The following TECTA variants were observed in gnomAD, a reference collection of about 807,000 sequenced individuals.
TECTA encodes alpha-tectorin.
In TECTA, 128 loss-of-function variants were observed where a neutral mutation model predicts 216.8. That is an observed-to-expected ratio of 0.59 (90% CI 0.51 to 0.68). The LOEUF (loss-of-function observed/expected upper bound fraction) is 0.68. Among genes scored for constraint, TECTA ranks in the 30% least tolerant of loss-of-function variants. TECTA has a pLI of 0.00. For synonymous variants in TECTA, 1,089 were observed against 1,117.1 expected (o/e 0.97, Z 0.50); for missense variants, 2,551 against 2,786.2 (o/e 0.92, Z 1.90).
At position 121,153,064 on chromosome 11, in the gene TECTA, A is replaced by G. The variant is rs770316975; in HGVS notation, c.4289A>G (p.Asp1430Gly). ...ILPHSCGCYS[D>G]GKYYEPKQLF... ...CCCCACAGCTGCGGCTGCTACTCCGATGGCAAATATTACGAGGTATGGGAG... is the reference window on the plus strand; with the variant it reads ...CCCCACAGCTGCGGCTGCTACTCCGGTGGCAAATATTACGAGGTATGGGAG... Residue 1430 changes from aspartate (D) to glycine (G), a missense_variant, in exon 13 of 24, where the codon GAT becomes GGT. Asp to Gly is a moderately conservative substitution (Grantham distance 94). This residue lies in a region of TECTA where 2,375 missense variants were observed against 2,563.9 expected (regional missense o/e 0.93). Transcript: ENST00000392793. 12 of 1,613,798 alleles carry G rather than the reference A, an allele frequency of 7.4e-6. No homozygotes were observed. In the East Asian group the frequency reaches 2.7e-4, roughly 36 times the overall value.
chr11:121,182,321 A>G (rs1477959804), intron 20 of TECTA, among the ~76,000 whole-genome samples: 1 of 151,638 alleles, frequency 6.6e-6, no homozygotes, highest in Non-Finnish European at 1.5e-5. Flanking sequence ...TTCACATGGG[A>G]GTGCCAGTGG....
Position 121,138,016 on chromosome 11 carries a change from T to G in TECTA, c.3537T>G (p.Thr1179=), listed in dbSNP as rs759966632. ...TGATCCACCGAGCTTACAAGCACAC[T>G]GTGCTGGTGAGTAGTCATGAGGTCC... ...SIVIHRAYKH[T]VLVNSERLYL... The change falls in exon 11 of 24, where the codon ACT becomes ACG. Residue 1179 remains threonine, a synonymous_variant. Transcript: ENST00000392793. The G allele has an allele frequency of 6.2e-6, 10 of 1,613,652 alleles. No homozygotes were observed. Among genetic ancestry groups the G allele is most frequent in the Non-Finnish European group, 8.5e-6 (10 of 1,179,736 alleles).
Position 121,113,691 on chromosome 11 carries a change from G to A in TECTA, c.763G>A (p.Asp255Asn). 6.2e-7 allele frequency: 1 copy of A among 1,613,830 alleles called. No individual in the cohort carries two copies. The highest frequency in any genetic ancestry group is 8.5e-7 in the Non-Finnish European group (1 of 1,180,020). ...ATTTAAAGTTGATGGAAAGGAAATT[G>A]ACCCAGCCAATGGCTGCACCTCAAG... ...WAFKVDGKEI[D>N]PANGCTSRGQ... Residue 255 changes from aspartate (D) to asparagine (N), a missense_variant, in exon 6 of 24, where the codon GAC becomes AAC. Asp to Asn is a conservative substitution (Grantham distance 23). Transcript: ENST00000392793. This position sits in a 1 kb window ranked among gnomAD's most constrained non-coding sequence, Gnocchi z 4.2.
rs1555122854 is a variant in TECTA at position 121,119,002 on chromosome 11, C to CACACACAAACACACAT, written c.1203+291_1203+292insAACACACATACACACA. ...TCATAAACACTGATAGGCACACACA[C>CACACACAAACACACAT]ACACACACACACACACACACACACA... On this transcript the variant is annotated intron_variant, in intron 7 of 23. Transcript: ENST00000392793. Among the ~76,000 whole-genome samples, 494 of 84,934 alleles carry CACACACAAACACACAT rather than the reference C, an allele frequency of 5.8e-3. 3 individuals carry two copies. The highest frequency in any genetic ancestry group is 0.022 in the African/African-American group (449 of 19,970). 55.7% of individuals were successfully genotyped at this position (84,934 alleles called of 152,430 possible). A position where few individuals can be genotyped will look rare whatever the true frequency, so the allele number is the denominator to read the frequency against.
chr11:121,148,287 C>T (rs1013673920), intron 12 of TECTA, among the ~76,000 whole-genome samples: 11 of 152,180 alleles, frequency 7.2e-5, no homozygotes, highest in Non-Finnish European at 1.5e-4. Flanking sequence ...GTTCCCATCA[C>T]AAAGAGACTT....
At chr11:121,171,581 C>G (rs1453899205) in intron 20 of TECTA, among the ~76,000 whole-genome samples, 1 of 151,972 alleles carries the variant, frequency 6.6e-6, no homozygotes. Context: ...TCCATTTGTC[C>G]TCTTCAATTT....
At chr11:121,160,921 C>G (rs968520661) in intron 15 of TECTA, among the ~76,000 whole-genome samples, 1 of 152,198 alleles carries the variant, frequency 6.6e-6, no homozygotes, top group African/African-American at 2.4e-5. Context: ...AGGTTATTAT[C>G]AGGCCCACCC....
intron 20 of TECTA, among the ~76,000 whole-genome samples, chr11:121,170,589 T>C (rs1162247741): frequency 6.6e-6 from 1 of 152,136 alleles, no homozygotes; most frequent in Admixed American, 6.6e-5. Context: ...CTAGCATTTG[T>C]TACTTTTTGT....
chr11:121,125,607 C>T lies in TECTA; in HGVS notation c.1509C>T (p.Cys503=), dbSNP rs61733565. ...CAGACTGGAAGTGCGACTCCGGCTG[C>T]GTCGACAACTGCACCCAGTGCGACG... ...YHADWKCDSG[C]VDNCTQCDAA... is the part of the protein sequence containing the mutation. Residue 503 remains cysteine (C), a synonymous_variant, in exon 8 of 24, where the codon TGC becomes TGT. Transcript: ENST00000392793. 1,206 of 1,613,630 alleles carry T rather than the reference C, an allele frequency of 7.5e-4. No individual in the cohort carries two copies. The highest frequency in any genetic ancestry group is 1.6e-3 in the Middle Eastern group (10 of 6,084).
At chr11:121,135,796 G>A (rs963885894) in intron 10 of TECTA, among the ~76,000 whole-genome samples, 2 of 152,182 alleles carry the variant, frequency 1.3e-5, no homozygotes, top group African/African-American at 4.8e-5. Context: ...AGATGGTGGG[G>A]ACTTCGCTGA....
At chr11:121,170,881 G>A (rs944801367) in intron 20 of TECTA, among the ~76,000 whole-genome samples, 1 of 152,066 alleles carries the variant, frequency 6.6e-6, no homozygotes, top group Non-Finnish European at 1.5e-5. Context: ...TCAACAGGTT[G>A]TCTCTTCATT....
In TECTA at chr11:121,145,820, G is replaced by C; in HGVS notation, c.3809G>C (p.Trp1270Ser). 1.2e-6 allele frequency: 2 copies of C among 1,614,222 alleles called. No homozygotes were observed. Among genetic ancestry groups the C allele is most frequent in the Non-Finnish European group, 1.7e-6 (2 of 1,180,042 alleles). Residue 1270 changes from tryptophan to serine, a missense_variant, in exon 12 of 24, where the codon TGG becomes TCG. By Grantham distance (177) the Trp-to-Ser change is radical (BLOSUM62 -3). Coordinates refer to ENST00000392793, the MANE Select transcript of TECTA (RefSeq NM_005422.4). Reference protein sequence around the residue: ...ASSVNEFGQSWVKRDTFCQVG... With the variant: ...ASSVNEFGQSSVKRDTFCQVG... ...AGTGTCAATGAGTTTGGGCAGAGCT[G>C]GGTGAAGAGGGACACCTTCTGCCAG...
At chr11:121,164,911 A>G (rs573993754) in intron 16 of TECTA, among the ~76,000 whole-genome samples, 241 of 152,338 alleles carry the variant, frequency 1.6e-3, no homozygotes, top group Non-Finnish European at 2.4e-3. Context: ...TCATTGTGTT[A>G]TAGTGTAGTA....
chr11:121,130,866 C>T (rs1277762458), intron 10 of TECTA, among the ~76,000 whole-genome samples: 1 of 152,150 alleles, frequency 6.6e-6, no homozygotes, highest in African/African-American at 2.4e-5. Flanking sequence ...CTTCAGCACA[C>T]AACCCTCTCC....
At position 121,162,350 on chromosome 11, in the gene TECTA, G is replaced by C; in HGVS notation, c.5252G>C (p.Trp1751Ser). Residue 1751 changes from tryptophan to serine, a missense_variant, in exon 16 of 24, where the codon TGG becomes TCG. Transcript: ENST00000392793. ...TCCTTCGGGATCCTTAGCACCGAGTGGATTGAGAAGGAGAATTGCTGTAAG... is the reference window on the plus strand; with the variant it reads ...TCCTTCGGGATCCTTAGCACCGAGTCGATTGAGAAGGAGAATTGCTGTAAG... ...CRSFGILSTE[W>S]IEKENCSGVV... is the part of the protein sequence containing the mutation. 6.2e-7 allele frequency: 1 copy of C among 1,613,352 alleles called. No individual in the cohort carries two copies. The highest frequency in any genetic ancestry group is 8.5e-7 in the Non-Finnish European group (1 of 1,180,050).
intron 16 of TECTA, among the ~76,000 whole-genome samples, chr11:121,163,454 TG>T (rs1235183024): frequency 1.9e-5 from 1 of 53,722 alleles, no homozygotes; most frequent in Non-Finnish European, 3.5e-5. Flanking sequence ...TGTTGTGGGG[TG>T]GGGGGAGGGT....
At chr11:121,120,678 A>G (rs1265971884) in intron 7 of TECTA, among the ~76,000 whole-genome samples, 1 of 152,252 alleles carries the variant, frequency 6.6e-6, no homozygotes, top group Non-Finnish European at 1.5e-5. Context: ...AAATAACAAA[A>G]TAAACAGTTT....
rs773514625 is a variant in TECTA at position 121,125,820 on chromosome 11, G to A, written c.1722G>A (p.Val574=). ...LCQAIQAYAL[V]CQALGIPIGD... ...AAGCCATCCAGGCCTATGCTCTTGT[G>A]TGCCAAGCCCTTGGCATTCCAATTG... Residue 574 remains valine (V), a synonymous_variant, in exon 8 of 24, where the codon GTG becomes GTA. Transcript: ENST00000392793. 3.8e-5 allele frequency: 61 copies of A among 1,613,470 alleles called. 1 individual carries two copies. In the South Asian group the frequency reaches 6.3e-4, roughly 17 times the overall value.
At position 121,158,057 on chromosome 11, in the gene TECTA, A is replaced by G. The variant is rs547896931; in HGVS notation, c.4522A>G (p.Asn1508Asp). Residue 1508 changes from asparagine (N) to aspartate (D), a missense_variant, in exon 14 of 24, where the codon AAC (asparagine) becomes GAC (aspartate). By Grantham distance (23) the Asn-to-Asp change is conservative (BLOSUM62 1). Coordinates refer to ENST00000392793, the MANE Select transcript of TECTA (RefSeq NM_005422.4). ...CGGCGCCTTCCTGCGCTTCCCAGCC[A>G]ACTGCGCCTTCGTGCTGTCCACCAT... ...FDGAFLRFPA[N>D]CAFVLSTICQ... 6 of 1,613,516 alleles carry G rather than the reference A, an allele frequency of 3.7e-6. No individual in the cohort carries two copies. Among genetic ancestry groups the G allele is most frequent in the South Asian group, 1.1e-5 (1 of 91,080 alleles).
Sources: gnomAD v4.1 joint callset for allele counts (sites outside exome capture counted in the v4.1 genomes callset) on GRCh38, gnomAD v4.1.1 for gene constraint, gnomAD v4.1.1 regional missense constraint, Gnocchi (gnomAD v3.1) non-coding constraint, MANE v1.5 for transcripts, NCBI Gene and HGNC (gene_info 2026-07-23, HGNC 2026-07-21) for gene names.